MIPOL1: variants seen among roughly 807,000 people sequenced by gnomAD.
MIPOL1 encodes the protein mirror-image polydactyly gene 1 protein.
A neutral mutation model predicts 60.9 loss-of-function variants in MIPOL1; 57 were observed. That is an observed-to-expected ratio of 0.94 (90% CI 0.76 to 1.17). The LOEUF (loss-of-function observed/expected upper bound fraction) is 1.17, where lower values mean the gene tolerates loss of function less well. MIPOL1 is among the 50% of genes most tolerant of loss of function. The pLI is 0.00. For synonymous variants in MIPOL1, 179 were observed against 168.8 expected (o/e 1.06, Z -0.47); for missense variants, 551 against 511.6 (o/e 1.08, Z -0.74).
chr14:37,307,907 G>C (rs2086922789), intron 7 of MIPOL1, 149 bp from the exon 8 acceptor site: 1 of 626,766 alleles, frequency 1.6e-6, no homozygotes, highest in African/African-American at 1.9e-5. Context: ...GAGTCGAGCA[G>C]GTGGCACTTT....
chr14:37,298,185 A>G (rs1386036405), intron 7 of MIPOL1, among the ~76,000 whole-genome samples: 2 of 152,196 alleles, frequency 1.3e-5, no homozygotes, highest in Non-Finnish European at 2.9e-5. Flanking sequence ...AACCTGAGAA[A>G]AACAAGCAAT....
chr14:37,205,734 T>C (rs975683091), intron 1 of MIPOL1, among the ~76,000 whole-genome samples: 1 of 152,122 alleles, frequency 6.6e-6, no homozygotes, highest in African/African-American at 2.4e-5. Context: ...TTTTCTGTCC[T>C]TGTGATAGTT....
chr14:37,471,092 TACAAATAAATTTTTAAG>T (rs2094683154), intron 11 of MIPOL1, among the ~76,000 whole-genome samples: 1 of 152,184 alleles, frequency 6.6e-6, no homozygotes, highest in Non-Finnish European at 1.5e-5. Context: ...ACTGAATCTA[TACAAATAAATTTTTAAG>T]TGTCTTTTGT....
intron 11 of MIPOL1, among the ~76,000 whole-genome samples, chr14:37,447,084 A>G (rs528530154): frequency 6.6e-6 from 1 of 152,034 alleles, no homozygotes; most frequent in East Asian, 1.9e-4. Flanking sequence ...TAATAATAAA[A>G]TAAAATAAAA....
intron 12 of MIPOL1, among the ~76,000 whole-genome samples, chr14:37,510,029 G>C (rs1455182869): frequency 6.6e-6 from 1 of 151,370 alleles, no homozygotes; most frequent in Non-Finnish European, 1.5e-5. Flanking sequence ...TATACACGTA[G>C]TCTATATAGT....
chr14:37,312,146 C>T (rs2087397147), intron 9 of MIPOL1, among the ~76,000 whole-genome samples: 1 of 152,164 alleles, frequency 6.6e-6, no homozygotes, highest in Non-Finnish European at 1.5e-5. Flanking sequence ...CTCACTCTGT[C>T]ACCCAAGCTG....
chr14:37,408,782 C>G (rs1178814416), intron 10 of MIPOL1, among the ~76,000 whole-genome samples: 1 of 152,160 alleles, frequency 6.6e-6, no homozygotes, highest in East Asian at 1.9e-4. Flanking sequence ...TACCGTGTGG[C>G]AGGCAGATAC....
At chr14:37,309,263 C>T (rs1013023448) in intron 9 of MIPOL1, among the ~76,000 whole-genome samples, 6 of 152,006 alleles carry the variant, frequency 3.9e-5, no homozygotes, top group Admixed American at 3.3e-4. Flanking sequence ...GCCACCACAC[C>T]TGGCCTTGTT....
intron 12 of MIPOL1, among the ~76,000 whole-genome samples, chr14:37,511,696 A>G (rs1255003701): frequency 1.3e-5 from 2 of 152,170 alleles, no homozygotes; most frequent in Non-Finnish European, 2.9e-5. Flanking sequence ...AGCATACCTA[A>G]GCTCCACATA....
intron 9 of MIPOL1, among the ~76,000 whole-genome samples, chr14:37,349,952 TA>T (rs1166378955): frequency 6.6e-6 from 1 of 152,226 alleles, no homozygotes; most frequent in Non-Finnish European, 1.5e-5. Context: ...TAAGCAGGGA[TA>T]AATTAGTTAC....
At chr14:37,351,713 A>C (rs1271281636) in intron 9 of MIPOL1, among the ~76,000 whole-genome samples, 1 of 133,372 alleles carries the variant, frequency 7.5e-6, no homozygotes, top group Non-Finnish European at 1.6e-5. Context: ...TCTTCTTTTG[A>C]GAAGTGTCTG....
At chr14:37,450,168 C>G (rs943792289) in intron 11 of MIPOL1, among the ~76,000 whole-genome samples, 1 of 151,982 alleles carries the variant, frequency 6.6e-6, no homozygotes, top group Non-Finnish European at 1.5e-5. Flanking sequence ...CCCATCCTGT[C>G]ACTCTTAATT....
At chr14:37,238,568 C>G (rs1214494975) in intron 1 of MIPOL1, among the ~76,000 whole-genome samples, 1 of 152,068 alleles carries the variant, frequency 6.6e-6, no homozygotes, top group African/African-American at 2.4e-5. Context: ...TATAAAATGT[C>G]AGGTTAGTCA....
chr14:37,428,377 G>C, intron 11 of MIPOL1, among the ~76,000 whole-genome samples: 1 of 152,148 alleles, frequency 6.6e-6, no homozygotes, highest in East Asian at 1.9e-4. Flanking sequence ...GATCACTTGA[G>C]TCCAGGAGTT....
At chr14:37,298,229 G>A (rs896554811) in intron 7 of MIPOL1, among the ~76,000 whole-genome samples, 2 of 152,140 alleles carry the variant, frequency 1.3e-5, no homozygotes, top group African/African-American at 4.8e-5. Context: ...AAATGGTGCT[G>A]GGAAAACTGG....
At chr14:37,496,997 G>A (rs376390216) in intron 11 of MIPOL1, among the ~76,000 whole-genome samples, 39 of 149,414 alleles carry the variant, frequency 2.6e-4, no homozygotes, top group South Asian at 1.5e-3. Context: ...AAATAACACC[G>A]CATAGATCTG....
At chr14:37,421,224 G>A (rs1470836408) in intron 10 of MIPOL1, among the ~76,000 whole-genome samples, 1 of 152,036 alleles carries the variant, frequency 6.6e-6, no homozygotes, top group African/African-American at 2.4e-5. Flanking sequence ...GTTGGTTTTG[G>A]TTTTGTTTTC....
At chr14:37,336,345 A>G (rs892654812) in intron 9 of MIPOL1, among the ~76,000 whole-genome samples, 9 of 150,212 alleles carry the variant, frequency 6.0e-5, no homozygotes, top group Non-Finnish European at 1.3e-4. Context: ...GGAAGTGTGA[A>G]ACTTTCATGT....
At chr14:37,305,547 C>A (rs918936665) in intron 7 of MIPOL1, among the ~76,000 whole-genome samples, 1 of 151,640 alleles carries the variant, frequency 6.6e-6, no homozygotes, top group Admixed American at 6.6e-5. Context: ...TGCAGAAAAA[C>A]TTGGCTGATC....
Sources: gnomAD v4.1 joint callset for allele counts (sites outside exome capture counted in the v4.1 genomes callset) on GRCh38, gnomAD v4.1.1 for gene constraint, MANE v1.5 for transcripts, NCBI Gene and HGNC (gene_info 2026-07-23, HGNC 2026-07-21) for gene names.